LRRTM4: variants seen among roughly 807,000 people sequenced by gnomAD.
LRRTM4 encodes the protein leucine rich repeat transmembrane neuronal 4.
Under a neutral mutation model 47.6 loss-of-function variants are expected in LRRTM4, and 25 were observed. The ratio of observed to expected loss-of-function variants is 0.53; its 90% CI spans 0.38 to 0.73. LRRTM4 has a LOEUF of 0.73. Ranked by LOEUF, LRRTM4 falls within the 30% of genes least tolerant of loss-of-function variation. The probability of loss-of-function intolerance (pLI) is 0.00; values close to 1 mark genes in which losing one functional copy is unlikely to be tolerated. For synonymous variants in LRRTM4, 311 were observed against 269.5 expected (o/e 1.15, Z -1.51); for missense variants, 638 against 713.4 (o/e 0.89, Z 1.20).
intron 3 of LRRTM4, among the ~76,000 whole-genome samples, chr2:76,795,447 T>C (rs2103737281): frequency 6.6e-6 from 1 of 152,284 alleles, no homozygotes; most frequent in African/African-American, 2.4e-5. Context: ...AAATAAAACA[T>C]TGTAATGACT....
At chr2:77,263,254 C>A (rs1056588541) in intron 3 of LRRTM4, among the ~76,000 whole-genome samples, 2 of 152,080 alleles carry the variant, frequency 1.3e-5, no homozygotes, top group Admixed American at 6.6e-5. Flanking sequence ...CACCTTGTCC[C>A]CTGCATCTCT....
At chr2:77,463,680 A>G (rs1676874116) in intron 3 of LRRTM4, among the ~76,000 whole-genome samples, 1 of 152,090 alleles carries the variant, frequency 6.6e-6, no homozygotes, top group South Asian at 2.1e-4. Context: ...AGACCTTGTT[A>G]CATTCCTCCT....
chr2:76,804,667 T>TA (rs1054944670), intron 3 of LRRTM4, among the ~76,000 whole-genome samples: 1 of 147,908 alleles, frequency 6.8e-6, no homozygotes, highest in Non-Finnish European at 1.5e-5. Flanking sequence ...ATATATAGTA[T>TA]AAAAAATATA....
intron 3 of LRRTM4, among the ~76,000 whole-genome samples, chr2:76,758,372 G>A (rs1673138374): frequency 6.6e-6 from 1 of 152,120 alleles, no homozygotes; most frequent in South Asian, 2.1e-4. Flanking sequence ...CATGGTAAAA[G>A]TTTAGAACCT....
At chr2:76,805,158 T>G (rs2103790147) in intron 3 of LRRTM4, among the ~76,000 whole-genome samples, 1 of 152,252 alleles carries the variant, frequency 6.6e-6, no homozygotes, top group South Asian at 2.1e-4. Flanking sequence ...TGTTTAGAGG[T>G]TGGATGGTCT....
chr2:77,036,582 T>G (rs1355349510), intron 3 of LRRTM4, among the ~76,000 whole-genome samples: 1 of 151,778 alleles, frequency 6.6e-6, no homozygotes, highest in Non-Finnish European at 1.5e-5. Context: ...GTTTCAGTTT[T>G]TCTTTTTGCA....
At chr2:76,941,159 TCAAA>T in intron 3 of LRRTM4, among the ~76,000 whole-genome samples, 1 of 151,928 alleles carries the variant, frequency 6.6e-6, no homozygotes, top group Admixed American at 6.6e-5. Flanking sequence ...AGAAGTAAGG[TCAAA>T]CAAAAAACAA....
At chr2:76,961,460 G>A (rs1333985716) in intron 3 of LRRTM4, among the ~76,000 whole-genome samples, 1 of 151,118 alleles carries the variant, frequency 6.6e-6, no homozygotes, top group African/African-American at 2.4e-5. Flanking sequence ...TGTGAGGAAT[G>A]CTCTATCAGG....
chr2:77,089,534 C>T (rs1312748898), intron 3 of LRRTM4, among the ~76,000 whole-genome samples: 2 of 151,874 alleles, frequency 1.3e-5, no homozygotes, highest in Admixed American at 1.3e-4. Context: ...TATCTCTGTG[C>T]CCCAACCCCT....
At chr2:77,283,898 C>A (rs1004752990) in intron 3 of LRRTM4, among the ~76,000 whole-genome samples, 2 of 151,874 alleles carry the variant, frequency 1.3e-5, no homozygotes, top group Non-Finnish European at 2.9e-5. Flanking sequence ...GTGATGGGGT[C>A]ATTTGTGCCC....
chr2:77,298,174 C>A (rs1677024489), intron 3 of LRRTM4, among the ~76,000 whole-genome samples: 1 of 152,194 alleles, frequency 6.6e-6, no homozygotes. Context: ...CGAATACATT[C>A]TAATAAAGTC....
chr2:77,521,278 C>A (rs541577415), intron 2 of LRRTM4, among the ~76,000 whole-genome samples: 95 of 152,132 alleles, frequency 6.2e-4, no homozygotes, highest in Admixed American at 1.1e-3. Context: ...GACCCCACCC[C>A]TACATACACG....
At chr2:76,995,164 G>A (rs1677155653) in intron 3 of LRRTM4, among the ~76,000 whole-genome samples, 1 of 151,892 alleles carries the variant, frequency 6.6e-6, no homozygotes, top group African/African-American at 2.4e-5. Flanking sequence ...AGAAAGGTAA[G>A]GAATAATTAC....
intron 3 of LRRTM4, among the ~76,000 whole-genome samples, chr2:76,787,807 C>CTTGGACAGA (rs1674760517): frequency 1.3e-5 from 2 of 151,948 alleles, no homozygotes; most frequent in Admixed American, 1.3e-4. Flanking sequence ...CTTTTCTGTC[C>CTTGGACAGA]AAGGAAAAAG....
intron 3 of LRRTM4, among the ~76,000 whole-genome samples, chr2:77,404,328 A>G (rs1674080754): frequency 1.3e-5 from 2 of 152,036 alleles, no homozygotes; most frequent in Non-Finnish European, 1.5e-5. Context: ...TAATTTTCCC[A>G]TCATCTTTTT....
chr2:76,996,892 C>T (rs955505670), intron 3 of LRRTM4, among the ~76,000 whole-genome samples: 13 of 152,122 alleles, frequency 8.5e-5, no homozygotes, highest in African/African-American at 2.7e-4. Context: ...CCTGCAGATG[C>T]TTGGCTGGAA....
At chr2:76,994,462 AATC>A (rs1677127782) in intron 3 of LRRTM4, among the ~76,000 whole-genome samples, 1 of 151,856 alleles carries the variant, frequency 6.6e-6, no homozygotes. Context: ...AACTGATGTA[AATC>A]AGCGTGAAGC....
chr2:76,882,006 G>T (rs1672944921), intron 3 of LRRTM4, among the ~76,000 whole-genome samples: 1 of 152,052 alleles, frequency 6.6e-6, no homozygotes, highest in African/African-American at 2.4e-5. Context: ...CATATTTTTT[G>T]ATAAATATTA....
intron 3 of LRRTM4, among the ~76,000 whole-genome samples, chr2:77,156,934 T>G (rs1340298212): frequency 1.3e-5 from 2 of 152,062 alleles, no homozygotes; most frequent in East Asian, 3.9e-4. Context: ...CTTTTGCTTT[T>G]TAACATTTTT....
Sources: allele counts gnomAD v4.1 joint callset (sites outside exome capture counted in the v4.1 genomes callset), GRCh38; gene constraint gnomAD v4.1.1; transcripts MANE v1.5; gene names NCBI Gene and HGNC (gene_info 2026-07-23, HGNC 2026-07-21).